Variants in LARGE1 observed in about 807,000 individuals in gnomAD.
LARGE1 encodes the protein xylosyl- and glucuronyltransferase LARGE1.
LARGE1 carries 43 observed loss-of-function variants against 87.6 expected under a neutral mutation model. The ratio of observed to expected loss-of-function variants is 0.49; its 90% confidence interval spans 0.38 to 0.63. The LOEUF is 0.63. Among genes scored for constraint, LARGE1 ranks in the 30% least tolerant of loss-of-function variants. The pLI, the probability that LARGE1 is intolerant of heterozygous loss-of-function variation, is 0.00. For missense variants in LARGE1, 802 were observed against 1,000.2 expected (o/e 0.80, Z 2.67); for synonymous variants, 434 against 394.6 (o/e 1.10, Z -1.18).
intron 1 of LARGE1, among the ~76,000 whole-genome samples, chr22:33,828,332 G>C (rs995606060): frequency 6.6e-6 from 1 of 152,246 alleles, no homozygotes; most frequent in African/African-American, 2.4e-5. Flanking sequence ...CATCCTGAGA[G>C]AGTCCTCTTC....
the LARGE1 span, among the ~76,000 whole-genome samples, chr22:33,139,083 C>G: frequency 6.6e-6 from 1 of 152,056 alleles, no homozygotes; most frequent in Non-Finnish European, 1.5e-5. Context: ...ACATGACATG[C>G]TCCTCCTTGC....
intron 2 of LARGE1, among the ~76,000 whole-genome samples, chr22:33,691,348 G>A (rs1472260684): frequency 4.6e-5 from 7 of 152,018 alleles, no homozygotes; most frequent in African/African-American, 1.7e-4. Flanking sequence ...AGATGGGAAG[G>A]AAGAGGGAAT....
At chr22:33,285,728 A>C (rs188173219) in intron 12 of LARGE1, among the ~76,000 whole-genome samples, 2 of 152,366 alleles carry the variant, frequency 1.3e-5, no homozygotes, top group Admixed American at 1.3e-4. Flanking sequence ...CAGGGACTAG[A>C]GCTGGCGTGC....
intron 4 of LARGE1, among the ~76,000 whole-genome samples, chr22:33,606,938 T>C (rs2079281773): frequency 6.6e-6 from 1 of 152,160 alleles, no homozygotes; most frequent in African/African-American, 2.4e-5. Flanking sequence ...CTCATCCTTA[T>C]GTAGTGGTTG....
At chr22:33,182,606 T>G (rs531981292) in intron 11 of LARGE1, among the ~76,000 whole-genome samples, 26 of 152,296 alleles carry the variant, frequency 1.7e-4, no homozygotes, top group Non-Finnish European at 3.2e-4. Flanking sequence ...ATCAAAACAG[T>G]GTGGTACTGA....
At chr22:33,204,990 T>A (rs1924605702) in intron 11 of LARGE1, among the ~76,000 whole-genome samples, 2 of 151,944 alleles carry the variant, frequency 1.3e-5, no homozygotes. Flanking sequence ...AATAAATGAA[T>A]AAAGAAATGA....
At position 33,340,983 on chromosome 22, in the gene LARGE1, A is replaced by G. The variant is rs149601616; in HGVS notation, c.1132-3182T>C. 4.4e-4 allele frequency among the ~76,000 whole-genome samples: 66 copies of G among 149,340 alleles called. No homozygotes were observed. In the East Asian group the frequency reaches 0.012, roughly 28 times the overall value. ...AGGAAATGAAATAGCTTTTCCCTCA[A>G]TAGCCCCCTACTACCTTTACTCTCT... On this transcript the variant is annotated intron_variant, in intron 9 of 14. Transcript: ENST00000397394.
intron 1 of LARGE1, among the ~76,000 whole-genome samples, chr22:33,842,927 A>G (rs1322690429): frequency 6.9e-6 from 1 of 143,990 alleles, no homozygotes; most frequent in Admixed American, 6.7e-5. Context: ...ACAAAACAAA[A>G]CAAAACAAAA....
At chr22:33,555,922 C>A (rs1281195021) in intron 6 of LARGE1, among the ~76,000 whole-genome samples, 1 of 115,132 alleles carries the variant, frequency 8.7e-6, no homozygotes, top group African/African-American at 3.8e-5. Context: ...GAGAGAGAGA[C>A]TCCATCTCAA....
intron 6 of LARGE1, among the ~76,000 whole-genome samples, chr22:33,503,158 C>T (rs551979466): frequency 4.6e-5 from 7 of 151,822 alleles, no homozygotes; most frequent in Admixed American, 3.3e-4. Flanking sequence ...ACACCAAAGA[C>T]GTGATTTCTT....
the LARGE1 span, among the ~76,000 whole-genome samples, chr22:33,092,191 C>G: frequency 6.6e-6 from 1 of 152,142 alleles, no homozygotes; most frequent in African/African-American, 2.4e-5. Context: ...AGCCACCGTG[C>G]ATGGCCCTAT....
At chr22:33,427,632 A>C (rs1253085109) in intron 7 of LARGE1, among the ~76,000 whole-genome samples, 1 of 152,248 alleles carries the variant, frequency 6.6e-6, no homozygotes, top group Non-Finnish European at 1.5e-5. Context: ...GCTGTGTTTG[A>C]TGTCTGCGGT....
intron 4 of LARGE1, among the ~76,000 whole-genome samples, chr22:33,606,133 C>T (rs927701031): frequency 5.3e-5 from 8 of 152,108 alleles, no homozygotes; most frequent in African/African-American, 1.7e-4. Context: ...GGACAGGGCA[C>T]GGCGGCTCAC....
intron 2 of LARGE1, among the ~76,000 whole-genome samples, chr22:33,692,092 T>G (rs1373140826): frequency 6.6e-6 from 1 of 152,070 alleles, no homozygotes; most frequent in East Asian, 1.9e-4. Context: ...AAATTAAAAT[T>G]TATTGTATGC....
chr22:33,665,711 C>T lies in LARGE1; in HGVS notation c.107-15043G>A, dbSNP rs532207294. Among the ~76,000 whole-genome samples the T allele has an allele frequency of 4.6e-5, 7 of 151,984 alleles. No individual in the cohort carries two copies. The East Asian group carries it at 1.2e-3, about 25-fold the overall frequency. Reference sequence around the variant, plus strand: ...ATGGAGACCATCCTGGCTAACACGGCGAAATCTCATCTCTACTAAAAATAC... The same window carrying T: ...ATGGAGACCATCCTGGCTAACACGGTGAAATCTCATCTCTACTAAAAATAC... On this transcript the variant is annotated intron_variant, in intron 2 of 14. Coordinates refer to ENST00000397394, the MANE Select transcript of LARGE1 (RefSeq NM_133642.5).
intron 6 of LARGE1, among the ~76,000 whole-genome samples, chr22:33,518,779 A>T (rs576135270): frequency 1.3e-5 from 2 of 152,268 alleles, no homozygotes; most frequent in African/African-American, 4.8e-5. Context: ...GCACCCCCTG[A>T]GGGGACTGGA....
chr22:33,391,767 T>A (rs1273295479), intron 7 of LARGE1, among the ~76,000 whole-genome samples: 2 of 64,840 alleles, frequency 3.1e-5, no homozygotes, highest in Admixed American at 3.2e-4. Flanking sequence ...CCTTTTTCCT[T>A]TTTTTTTTTT....
chr22:33,199,948 C>G (rs1242319920), intron 11 of LARGE1, among the ~76,000 whole-genome samples: 4 of 151,748 alleles, frequency 2.6e-5, no homozygotes, highest in Non-Finnish European at 1.5e-5. Context: ...CTCCCGGGTT[C>G]AAGCAATTCT....
intron 1 of LARGE1, among the ~76,000 whole-genome samples, chr22:33,802,678 C>T (rs1309824996): frequency 6.6e-6 from 1 of 152,164 alleles, no homozygotes; most frequent in Non-Finnish European, 1.5e-5. Context: ...CCACTCAACC[C>T]ACCAAGGTGA....
Sources: gnomAD v4.1 joint callset for allele counts (sites outside exome capture counted in the v4.1 genomes callset) on GRCh38, gnomAD v4.1.1 for gene constraint, MANE v1.5 for transcripts, NCBI Gene and HGNC (gene_info 2026-07-23, HGNC 2026-07-21) for gene names.